Variants in LYPD6B observed in about 807,000 individuals in gnomAD.
LYPD6B encodes the protein ly6/PLAUR domain-containing protein 6B.
Under a neutral mutation model 22.8 loss-of-function variants are expected in LYPD6B, and 17 were observed. The observed-to-expected ratio is 0.75, with a 90% CI of 0.51 to 1.12. The LOEUF (loss-of-function observed/expected upper bound fraction) is 1.12, where lower values mean the gene tolerates loss of function less well. Among genes scored for constraint, LYPD6B ranks in the 50% most tolerant of loss-of-function variants. LYPD6B has a pLI of 0.00. For synonymous variants in LYPD6B, 106 were observed against 91.6 expected, an observed-to-expected ratio of 1.16 and a Z score of -0.90; for missense variants, 221 against 258.3, an observed-to-expected ratio of 0.86 and a Z score of 0.99.
At chr2:149,147,506 T>TTTTG (rs970276349) in intron 2 of LYPD6B, among the ~76,000 whole-genome samples, 8 of 151,992 alleles carry the variant, frequency 5.3e-5, no homozygotes, top group East Asian at 1.9e-4. Flanking sequence ...TTTTTTTGTT[T>TTTTG]TTTGTTTGTT....
chr2:149,161,609 A>C (rs1368793859), intron 3 of LYPD6B: 1 of 152,166 alleles, frequency 6.6e-6, no homozygotes, highest in Admixed American at 6.5e-5. Context: ...TGGTTGTCTC[A>C]TGGTCTTCTT....
chr2:149,115,795 G>A (rs747863994), intron 1 of LYPD6B, among the ~76,000 whole-genome samples: 2 of 152,136 alleles, frequency 1.3e-5, no homozygotes, highest in Non-Finnish European at 2.9e-5. Context: ...CCAAGGTTTC[G>A]ATTACCTACG....
At chr2:149,083,118 G>T (rs185304588) in intron 1 of LYPD6B, among the ~76,000 whole-genome samples, 1 of 147,414 alleles carries the variant, frequency 6.8e-6, no homozygotes, top group South Asian at 2.1e-4. Context: ...AATGTCACAG[G>T]GGGGCATACC....
chr2:149,049,357 GCACA>G (rs144024995), intron 1 of LYPD6B, among the ~76,000 whole-genome samples: 6 of 151,194 alleles, frequency 4.0e-5, no homozygotes, highest in Admixed American at 3.9e-4. Context: ...GCATGCACAT[GCACA>G]CACACACACA....
intron 2 of LYPD6B, among the ~76,000 whole-genome samples, chr2:149,153,602 C>T (rs579180): frequency 0.37 from 55,541 of 151,676 alleles, 10,894 homozygotes; most frequent in African/African-American, 0.5. Flanking sequence ...TCATGAAACA[C>T]GGTCTCTACT....
At chr2:149,067,258 T>C (rs749802327) in intron 1 of LYPD6B, among the ~76,000 whole-genome samples, 1 of 152,214 alleles carries the variant, frequency 6.6e-6, no homozygotes. Context: ...AAATGGTTTA[T>C]CTGGGAAAGG....
At chr2:149,179,149 C>T (rs1443562776) in intron 3 of LYPD6B, among the ~76,000 whole-genome samples, 2 of 152,284 alleles carry the variant, frequency 1.3e-5, no homozygotes, top group Non-Finnish European at 2.9e-5. Context: ...AGTGCTAGTC[C>T]TTCAGGAGGA....
At chr2:149,197,646 AG>A (rs1238073410) in intron 3 of LYPD6B, among the ~76,000 whole-genome samples, 1 of 152,252 alleles carries the variant, frequency 6.6e-6, no homozygotes, top group Non-Finnish European at 1.5e-5. Flanking sequence ...ATTAAGTATC[AG>A]GAAGAGTTAT....
intron 5 of LYPD6B, among the ~76,000 whole-genome samples, chr2:149,212,435 C>T (rs932989867): frequency 7.2e-5 from 10 of 138,608 alleles, no homozygotes; most frequent in Non-Finnish European, 1.2e-4. Context: ...AAATGAATTG[C>T]GGGTTTTACA....
chr2:149,104,797 A>G (rs772453633), intron 1 of LYPD6B, among the ~76,000 whole-genome samples: 23 of 152,270 alleles, frequency 1.5e-4, no homozygotes, highest in Non-Finnish European at 3.1e-4. Context: ...CCAAAGTCAT[A>G]AAGATTTTCT....
chr2:149,103,771 CTTTTTTTTTTTTT>C (rs56739458), intron 1 of LYPD6B, among the ~76,000 whole-genome samples: 2 of 74,312 alleles, frequency 2.7e-5, no homozygotes, highest in African/African-American at 5.5e-5. Flanking sequence ...TTGTGCATAT[CTTTTTTTTTTTTT>C]TTTTTTTTTT....
intron 1 of LYPD6B, among the ~76,000 whole-genome samples, chr2:149,129,094 G>C (rs1219741949): frequency 6.6e-6 from 1 of 152,174 alleles, no homozygotes; most frequent in East Asian, 1.9e-4. Context: ...GGGGTTGCTT[G>C]CATGCTTCCT....
At chr2:149,168,759 T>C (rs971362036) in intron 3 of LYPD6B, among the ~76,000 whole-genome samples, 9 of 152,218 alleles carry the variant, frequency 5.9e-5, no homozygotes, top group Non-Finnish European at 1.3e-4. Context: ...TAATATAACC[T>C]GCAGCACACA....
intron 1 of LYPD6B, among the ~76,000 whole-genome samples, chr2:149,089,720 G>A (rs185144576): frequency 6.6e-6 from 1 of 152,266 alleles, no homozygotes; most frequent in African/African-American, 2.4e-5. Flanking sequence ...CTGGTTTTCT[G>A]TGTACTGGTT....
chr2:149,184,686 G>A (rs556083054), intron 3 of LYPD6B, among the ~76,000 whole-genome samples: 5 of 152,150 alleles, frequency 3.3e-5, no homozygotes, highest in Non-Finnish European at 7.4e-5. Context: ...CATCAGCTTG[G>A]TACTTTTCTT....
At chr2:149,183,481 A>G (rs928047153) in intron 3 of LYPD6B, among the ~76,000 whole-genome samples, 6 of 152,108 alleles carry the variant, frequency 3.9e-5, no homozygotes, top group Non-Finnish European at 2.9e-5. Flanking sequence ...TATGTGGCCA[A>G]TCTACAATGT....
At chr2:149,154,284 A>G (rs1168731701) in intron 2 of LYPD6B, among the ~76,000 whole-genome samples, 4 of 152,080 alleles carry the variant, frequency 2.6e-5, no homozygotes, top group African/African-American at 4.8e-5. Flanking sequence ...GGGGAAGGGC[A>G]TGTGAAGAAA....
intron 2 of LYPD6B, among the ~76,000 whole-genome samples, chr2:149,133,227 G>C (rs574451121): frequency 9.9e-5 from 15 of 152,252 alleles, no homozygotes; most frequent in African/African-American, 3.6e-4. Flanking sequence ...AGGTACTAAG[G>C]CTCTGTGGTC....
intron 3 of LYPD6B, among the ~76,000 whole-genome samples, chr2:149,176,253 A>G (rs777135130): frequency 6.6e-6 from 1 of 152,180 alleles, no homozygotes; most frequent in Non-Finnish European, 1.5e-5. Flanking sequence ...ATCCTTGACT[A>G]AAACATCATT....
Sources: allele counts gnomAD v4.1 joint callset (sites outside exome capture counted in the v4.1 genomes callset), GRCh38; gene constraint gnomAD v4.1.1; transcripts MANE v1.5; gene names NCBI Gene and HGNC (gene_info 2026-07-23, HGNC 2026-07-21).